KDELR2: variants seen among roughly 807,000 people sequenced by gnomAD.
KDELR2 encodes ER lumen protein-retaining receptor 2.
KDELR2 carries 15 observed loss-of-function variants against 23.9 expected under a neutral mutation model. The ratio of observed to expected loss-of-function variants is 0.63; its 90% CI spans 0.42 to 0.97. The LOEUF (loss-of-function observed/expected upper bound fraction) is 0.97, where lower values mean the gene tolerates loss of function less well. KDELR2 is among the 50% of genes least tolerant of loss of function. KDELR2 has a pLI of 0.00. For missense variants in KDELR2, 272 were observed against 254.6 expected, an observed-to-expected ratio of 1.07 and a Z score of -0.46; for synonymous variants, 119 against 106.2, an observed-to-expected ratio of 1.12 and a Z score of -0.74.
intron 2 of KDELR2, among the ~76,000 whole-genome samples, chr7:6,470,782 T>G (rs1785616363): frequency 1.3e-5 from 2 of 152,144 alleles, no homozygotes; most frequent in Non-Finnish European, 2.9e-5. Context: ...AAAAACTGGA[T>G]AAATAATTAT....
intron 1 of KDELR2, among the ~76,000 whole-genome samples, chr7:6,483,540 C>A (rs932091130): frequency 6.6e-6 from 1 of 152,210 alleles, no homozygotes; most frequent in Non-Finnish European, 1.5e-5. Flanking sequence ...CACGATCCTG[C>A]CCATCCTCCT....
chr7:6,463,006 C>A lies in KDELR2; in HGVS notation c.*135G>T, dbSNP rs773514671. ...CTGGCTCTTTTCCTCTGCGTTTTTA[C>A]AGAGCCACTGATGACTATCTGCAAC... On this transcript the variant is annotated 3_prime_UTR_variant, in exon 5 of 5. Transcript: ENST00000258739. 2.5e-6 allele frequency: 4 copies of A among 1,614,002 alleles called. No homozygotes were observed. The South Asian group carries it at 4.4e-5, about 18-fold the overall frequency.
At chr7:6,477,984 C>G (rs1179272283) in intron 1 of KDELR2, among the ~76,000 whole-genome samples, 1 of 151,974 alleles carries the variant, frequency 6.6e-6, no homozygotes, top group Non-Finnish European at 1.5e-5. Flanking sequence ...ACACATAAAC[C>G]AAAAATAAGA....
At chr7:6,465,488 T>TG (rs201535003) in intron 4 of KDELR2, among the ~76,000 whole-genome samples, 15,117 of 146,920 alleles carry the variant, frequency 0.1, 815 homozygotes, top group Admixed American at 0.18. Flanking sequence ...GGCATAAATG[T>TG]TTTTTTTTTT....
At position 6,462,866 on chromosome 7, in the gene KDELR2, C is replaced by T; in HGVS notation, c.*275G>A. 2 of 1,023,496 alleles carry T rather than the reference C, an allele frequency of 2.0e-6. No homozygotes were observed. Among genetic ancestry groups the T allele is most frequent in the African/African-American group, 1.6e-5 (1 of 61,022 alleles). The allele number at this position is 1,023,496 out of a possible 1,614,324, so 63.4% of individuals were successfully genotyped here. A position where few individuals can be genotyped will look rare whatever the true frequency, so the allele number is the denominator to read the frequency against. On this transcript the variant is annotated 3_prime_UTR_variant, in exon 5 of 5. Transcript: ENST00000258739. The stretch of plus-strand genomic sequence containing the variant: ...CAAAATCTTCACTTTTGGAACTATC[C>T]CAATTGAAGCTACACACTGAATTTA...
Position 6,477,423 on chromosome 7 carries a change from C to A in KDELR2, c.92-3139G>T, listed in dbSNP as rs10252323. Among the ~76,000 whole-genome samples, 1,346 of 152,286 alleles carry A rather than the reference C, an allele frequency of 8.8e-3. 23 individuals are homozygous for A. The highest frequency in any genetic ancestry group is 0.03 in the African/African-American group (1,226 of 41,546). ...GGAGGGGTTGGGAGTAGAATACCTGCTATTAAACCAGAGCAGCTCCTAGTC... is the reference window on the plus strand; with the variant it reads ...GGAGGGGTTGGGAGTAGAATACCTGATATTAAACCAGAGCAGCTCCTAGTC... On this transcript the variant is annotated intron_variant, in intron 1 of 4. Coordinates refer to ENST00000258739, the MANE Select transcript of KDELR2 (RefSeq NM_006854.4).
chr7:6,484,128 C>G lies in KDELR2; in HGVS notation c.-71G>C. 8.5e-7 allele frequency: 1 copy of G among 1,180,716 alleles called. No individual in the cohort carries two copies. The highest frequency in any genetic ancestry group is 1.1e-6 in the Non-Finnish European group (1 of 933,182). The allele number at this position is 1,180,716 out of a possible 1,614,324, so 73.1% of individuals were successfully genotyped here. A position where few individuals can be genotyped will look rare whatever the true frequency, so the allele number is the denominator to read the frequency against. The stretch of plus-strand genomic sequence containing the variant: ...CTGGGCGGCTCAGGAGGCGGCGGCC[C>G]CTGAGAGGAAGCGGCGAAGATGGCG... On this transcript the variant is annotated 5_prime_UTR_variant, in exon 1 of 5. Transcript: ENST00000258739.
chr7:6,466,185 CAA>C lies in KDELR2; in HGVS notation c.488_489del (p.Leu163ArgfsTer10). 1 of 1,614,142 alleles carries C rather than the reference CAA, an allele frequency of 6.2e-7. No homozygotes were observed. On this transcript the variant is annotated frameshift_variant, in exon 4 of 5. Coordinates refer to ENST00000258739, the MANE Select transcript of KDELR2 (RefSeq NM_006854.4). LOFTEE classifies it high-confidence loss of function. ...FFLGLYRALY[L>X]VNWIWRFYFE... ...AAGTAGAAGCGCCAGATCCAGTTGACAAGATACAAAGCACGATAGAGGCCCAG... is the reference window on the plus strand; with the variant it reads ...AAGTAGAAGCGCCAGATCCAGTTGACGATACAAAGCACGATAGAGGCCCAG...
chr7:6,468,172 G>T (rs1373729001), intron 3 of KDELR2, among the ~76,000 whole-genome samples: 1 of 152,142 alleles, frequency 6.6e-6, no homozygotes, highest in African/African-American at 2.4e-5. Flanking sequence ...ACCTAAATAT[G>T]TGGGTGCTTA....
intron 3 of KDELR2, among the ~76,000 whole-genome samples, chr7:6,469,052 C>T (rs144800940): frequency 0.019 from 2,941 of 151,348 alleles, 91 homozygotes; most frequent in African/African-American, 0.065. Context: ...CCCGGGTTCA[C>T]GCCATTCTCC....
At chr7:6,482,780 A>G (rs145751266) in intron 1 of KDELR2, among the ~76,000 whole-genome samples, 27 of 152,048 alleles carry the variant, frequency 1.8e-4, no homozygotes, top group Admixed American at 1.3e-4. Flanking sequence ...GGGATTTTTA[A>G]GAAAGTTAAA....
chr7:6,482,166 C>T (rs147633829), intron 1 of KDELR2, among the ~76,000 whole-genome samples: 1 of 152,022 alleles, frequency 6.6e-6, no homozygotes, highest in Non-Finnish European at 1.5e-5. Flanking sequence ...CCACGCCCGG[C>T]TAATTTTGTA....
chr7:6,463,129 G>A lies in KDELR2; in HGVS notation c.*12C>T. 1.9e-6 allele frequency: 3 copies of A among 1,614,080 alleles called. No individual in the cohort carries two copies. The highest frequency in any genetic ancestry group is 2.2e-5 in the South Asian group (2 of 91,062). ...ACCCTGAAGGACAGATGCTGGTGAT[G>A]GTCTTTGGCACTTATGCTGGCAAAC... On this transcript the variant is annotated 3_prime_UTR_variant, in exon 5 of 5. Coordinates refer to ENST00000258739, the MANE Select transcript of KDELR2 (RefSeq NM_006854.4).
At chr7:6,465,545 G>C (rs1294321263) in intron 4 of KDELR2, among the ~76,000 whole-genome samples, 1 of 151,784 alleles carries the variant, frequency 6.6e-6, no homozygotes, top group African/African-American at 2.4e-5. Flanking sequence ...AAGTTCACAC[G>C]TCCTATGTTC....
chr7:6,481,186 T>C (rs1245704289), intron 1 of KDELR2, among the ~76,000 whole-genome samples: 2 of 151,636 alleles, frequency 1.3e-5, no homozygotes, highest in Non-Finnish European at 2.9e-5. Flanking sequence ...CTGGCCAACA[T>C]GGTGAAACTC....
chr7:6,469,598 C>T lies in KDELR2; in HGVS notation c.349G>A (p.Glu117Lys). Reference sequence around the variant, plus strand: ...CCTAAGTAACCTTTTAAACTAACCTCAAGAGGAGAGAAATCGTGATTAACT... The same window carrying T: ...CCTAAGTAACCTTTTAAACTAACCTTAAGAGGAGAGAAATCGTGATTAACT... ...FLVNHDFSPL[E>K]ILWTFSIYLE... Residue 117 changes from glutamate (E) to lysine (K), a missense_variant and splice_region_variant, in exon 3 of 5, where the codon GAG becomes AAG. Glu to Lys is a moderately conservative substitution (Grantham distance 56, BLOSUM62 1). Transcript: ENST00000258739. The T allele has an allele frequency of 6.2e-7, 1 of 1,613,678 alleles. No homozygotes were observed. The highest frequency in any genetic ancestry group is 1.1e-5 in the South Asian group (1 of 91,026).
At chr7:6,471,643 C>A (rs79579330) in intron 2 of KDELR2, among the ~76,000 whole-genome samples, 5,136 of 152,230 alleles carry the variant, frequency 0.034, 105 homozygotes, top group Non-Finnish European at 0.051. Context: ...CAAGAACCTA[C>A]CAATGACATT....
chr7:6,472,819 C>G (rs1176101230), intron 2 of KDELR2, among the ~76,000 whole-genome samples: 1 of 151,320 alleles, frequency 6.6e-6, no homozygotes, highest in Non-Finnish European at 1.5e-5. Context: ...GCCTGGTGCA[C>G]AGGTGCTCAG....
chr7:6,482,892 C>A (rs1044542150), intron 1 of KDELR2, among the ~76,000 whole-genome samples: 6 of 149,738 alleles, frequency 4.0e-5, no homozygotes, highest in Non-Finnish European at 7.4e-5. Flanking sequence ...GGAGTCCCAG[C>A]TATTCAGGAG....
Sources: allele counts gnomAD v4.1 joint callset (sites outside exome capture counted in the v4.1 genomes callset), GRCh38; gene constraint gnomAD v4.1.1; transcripts MANE v1.5; gene names NCBI Gene and HGNC (gene_info 2026-07-23, HGNC 2026-07-21).